IDE: variants seen among roughly 807,000 people sequenced by gnomAD.
IDE encodes the protein insulin degrading enzyme, also known as insulin-degrading enzyme.
Under a neutral mutation model 133.2 loss-of-function variants are expected in IDE, and 58 were observed. That is an observed-to-expected ratio of 0.44 (90% CI 0.35 to 0.54). The LOEUF (loss-of-function observed/expected upper bound fraction) is 0.54. Among genes scored for constraint, IDE ranks in the 20% least tolerant of loss-of-function variants. IDE has a pLI of 0.00. For missense variants in IDE, 981 were observed against 1,234.0 expected (o/e 0.79, Z 3.07); for synonymous variants, 396 against 421.3 (o/e 0.94, Z 0.73).
intron 13 of IDE, among the ~76,000 whole-genome samples, chr10:92,484,743 A>G (rs896822911): frequency 1.3e-5 from 2 of 151,808 alleles, no homozygotes; most frequent in African/African-American, 4.8e-5. Flanking sequence ...AAAAAAAAAA[A>G]GAAAGAAAGA....
At chr10:92,496,329 T>C (rs1847699648) in intron 11 of IDE, among the ~76,000 whole-genome samples, 1 of 152,256 alleles carries the variant, frequency 6.6e-6, no homozygotes, top group Non-Finnish European at 1.5e-5. Flanking sequence ...ATAGGACACA[T>C]GACCTATAGC....
intron 13 of IDE, 78 bp from the exon 14 acceptor site, chr10:92,483,415 G>A (rs1003896346): frequency 2.6e-6 from 2 of 782,648 alleles, no homozygotes; most frequent in South Asian, 1.5e-5. Flanking sequence ...CTCTTCAAGA[G>A]GAGGAGGACA....
At chr10:92,556,855 T>G (rs1425961590) in intron 1 of IDE, among the ~76,000 whole-genome samples, 1 of 131,838 alleles carries the variant, frequency 7.6e-6, no homozygotes, top group South Asian at 2.4e-4. Context: ...ACCTGGGAGG[T>G]GGAGGTTGCA....
chr10:92,502,603 T>C (rs879892497), intron 11 of IDE, among the ~76,000 whole-genome samples: 1 of 152,188 alleles, frequency 6.6e-6, no homozygotes, highest in Non-Finnish European at 1.5e-5. Flanking sequence ...ATATATCACT[T>C]TAAACCATTT....
intron 5 of IDE, among the ~76,000 whole-genome samples, chr10:92,512,832 T>G (rs1179390728): frequency 2.0e-5 from 3 of 152,182 alleles, no homozygotes; most frequent in African/African-American, 7.2e-5. Flanking sequence ...TAACAAAAGT[T>G]ACCATAATTT....
chr10:92,538,997 A>G (rs1480041137), intron 1 of IDE, among the ~76,000 whole-genome samples: 2 of 152,216 alleles, frequency 1.3e-5, no homozygotes, highest in African/African-American at 4.8e-5. Context: ...AGAAATAGGC[A>G]TACAATTATT....
Position 92,510,118 on chromosome 10 carries a change from C to G in IDE, c.829G>C (p.Glu277Gln). 6.2e-7 allele frequency: 1 copy of G among 1,604,378 alleles called. No homozygotes were observed. The highest frequency in any genetic ancestry group is 1.1e-5 in the South Asian group (1 of 90,276). Residue 277 changes from glutamate (E) to glutamine (Q), a missense_variant, in exon 6 of 25, where the codon GAA (glutamate) becomes CAA (glutamine). Coordinates refer to ENST00000265986, the MANE Select transcript of IDE (RefSeq NM_004969.4). ...LTNLVVKLFS[E>Q]VENKNVPLPE... ...AATGGAACATTTTTGTTCTCTACTT[C>G]AGAAAATAACTTTACCACCAGATTA...
rs2135444452 is a variant in IDE, at chr10:92,487,190, C to T, written c.1656+6G>A. 1 of 1,607,884 alleles carries T rather than the reference C, an allele frequency of 6.2e-7. No individual in the cohort carries two copies. ...AAATTTAAAATCACTGATTCAAACA[C>T]ATTACCTTAATAAGAGCAGGGTATG... On this transcript the variant is annotated splice_donor_region_variant and intron_variant, in intron 13 of 24. Coordinates refer to ENST00000265986, the MANE Select transcript of IDE (RefSeq NM_004969.4).
intron 15 of IDE, 126 bp downstream of exon 15, chr10:92,479,151 A>G: frequency 1.7e-6 from 1 of 595,830 alleles, no homozygotes; most frequent in South Asian, 3.6e-5. Context: ...TAAATGAGAA[A>G]ATATGATTAG....
At chr10:92,472,941 A>T (rs1846045309) in intron 17 of IDE, among the ~76,000 whole-genome samples, 1 of 121,710 alleles carries the variant, frequency 8.2e-6, no homozygotes, top group Non-Finnish European at 1.7e-5. Context: ...CCAGCCCAGA[A>T]TTTTTTTTTT....
chr10:92,454,464 AG>A lies in IDE; in HGVS notation c.3039del (p.Phe1014SerfsTer21), dbSNP rs1320975340. On this transcript the variant is annotated frameshift_variant, in exon 25 of 25. Coordinates refer to ENST00000265986, the MANE Select transcript of IDE (RefSeq NM_004969.4). LOFTEE classifies it high-confidence loss of function. ...PLFPLVKPHI[N>X]FMAAKL is the part of the protein sequence containing the mutation. ...AATCTTCAGAGTTTTGCAGCCATGA[AG>A]TTAATATGTGGTTTCACAAGGGGAA... The A allele has an allele frequency of 6.2e-7, 1 of 1,612,620 alleles. No individual in the cohort carries two copies. Among genetic ancestry groups the A allele is most frequent in the Non-Finnish European group, 8.5e-7 (1 of 1,178,594 alleles).
intron 11 of IDE, among the ~76,000 whole-genome samples, chr10:92,502,780 T>C (rs1467539823): frequency 6.6e-6 from 1 of 152,178 alleles, no homozygotes; most frequent in East Asian, 1.9e-4. Context: ...TTATCTAGAG[T>C]TGAAAAAGAG....
chr10:92,461,292 T>C (rs1845377513), intron 21 of IDE, 40 bp from the exon 22 acceptor site: 2 of 989,940 alleles, frequency 2.0e-6, no homozygotes, highest in African/African-American at 1.6e-5. Context: ...AACATTTTCA[T>C]ATGAAGCAGC....
At chr10:92,477,958 A>G (rs1846370014) in intron 15 of IDE, among the ~76,000 whole-genome samples, 1 of 152,212 alleles carries the variant, frequency 6.6e-6, no homozygotes, top group African/African-American at 2.4e-5. Context: ...TAAAATTCCT[A>G]CAATCTTTTG....
intron 1 of IDE, chr10:92,573,326 G>A (rs1252083026): frequency 3.7e-6 from 1 of 271,064 alleles, no homozygotes; most frequent in Non-Finnish European, 5.6e-6. Context: ...TGCTGTAGAG[G>A]ATCCCGAGGT....
At chr10:92,546,236 G>T (rs1423041440) in intron 1 of IDE, among the ~76,000 whole-genome samples, 1 of 152,196 alleles carries the variant, frequency 6.6e-6, no homozygotes, top group Non-Finnish European at 1.5e-5. Flanking sequence ...CATTACCCTT[G>T]GGAGTGGGAG....
intron 3 of IDE, among the ~76,000 whole-genome samples, chr10:92,533,715 CAA>C (rs35455474): frequency 7.5e-5 from 9 of 119,302 alleles, no homozygotes; most frequent in Non-Finnish European, 8.9e-5. Context: ...AAAAATTGAC[CAA>C]AAAAAAAAAA....
intron 17 of IDE, chr10:92,474,394 T>C (rs1326607899): frequency 1.3e-5 from 2 of 152,516 alleles, no homozygotes; most frequent in Non-Finnish European, 2.9e-5. Flanking sequence ...TAGTAATAAT[T>C]AACTGGTGTA....
chr10:92,531,419 A>T (rs1382423325), intron 4 of IDE, among the ~76,000 whole-genome samples: 2 of 152,194 alleles, frequency 1.3e-5, no homozygotes, highest in African/African-American at 4.8e-5. Context: ...ACAATACTAC[A>T]GTGAGCCTTT....
Sources: allele counts gnomAD v4.1 joint callset (sites outside exome capture counted in the v4.1 genomes callset), GRCh38; gene constraint gnomAD v4.1.1; transcripts MANE v1.5; gene names NCBI Gene and HGNC (gene_info 2026-07-23, HGNC 2026-07-21).